GNG12: variants seen among roughly 807,000 people sequenced by gnomAD.
GNG12 encodes G protein subunit gamma 12, also known as guanine nucleotide-binding protein G(I)/G(S)/G(O) subunit gamma-12.
For missense variants in GNG12, 69 were observed against 83.8 expected (o/e 0.82, Z 0.69); for synonymous variants, 28 against 29.7 (o/e 0.94, Z 0.19).
At chr1:67,785,844 A>C (rs552140570) in intron 1 of GNG12, among the ~76,000 whole-genome samples, 3 of 152,328 alleles carry the variant, frequency 2.0e-5, no homozygotes, top group Non-Finnish European at 1.5e-5. Context: ...AACCATGTAC[A>C]AATCTGTATA....
chr1:67,737,873 T>C (rs1646461335), intron 2 of GNG12, among the ~76,000 whole-genome samples: 1 of 152,168 alleles, frequency 6.6e-6, no homozygotes, highest in African/African-American at 2.4e-5. Context: ...CCCTTACCAT[T>C]CCTTGCCTGC....
At chr1:67,820,530 T>A (rs1460538402) in intron 1 of GNG12, among the ~76,000 whole-genome samples, 1 of 152,128 alleles carries the variant, frequency 6.6e-6, no homozygotes, top group Non-Finnish European at 1.5e-5. Context: ...TCCCTTCCAC[T>A]CCCAGAAGCC....
At chr1:67,791,683 C>T (rs1338697469) in intron 1 of GNG12, among the ~76,000 whole-genome samples, 1 of 152,150 alleles carries the variant, frequency 6.6e-6, no homozygotes, top group Admixed American at 6.5e-5. Flanking sequence ...GTTGGCATCT[C>T]CTCTGCTCCC....
chr1:67,728,181 T>C (rs180852718), intron 2 of GNG12, among the ~76,000 whole-genome samples: 41 of 152,324 alleles, frequency 2.7e-4, no homozygotes, highest in African/African-American at 7.7e-4. Context: ...GCAGCTCTTT[T>C]CATGCATCCA....
intron 2 of GNG12, among the ~76,000 whole-genome samples, chr1:67,739,021 A>G (rs1406532457): frequency 6.6e-6 from 1 of 152,172 alleles, no homozygotes; most frequent in Non-Finnish European, 1.5e-5. Context: ...ATGACTAAAA[A>G]TACAAAAATT....
chr1:67,785,327 A>G (rs1646761688), intron 1 of GNG12, among the ~76,000 whole-genome samples: 1 of 152,308 alleles, frequency 6.6e-6, no homozygotes, highest in African/African-American at 2.4e-5. Flanking sequence ...TTAAACCTAA[A>G]TTAAGTTTTA....
At chr1:67,806,265 A>G (rs1448905275) in intron 1 of GNG12, among the ~76,000 whole-genome samples, 1 of 152,200 alleles carries the variant, frequency 6.6e-6, no homozygotes, top group African/African-American at 2.4e-5. Flanking sequence ...TTGATTTAAC[A>G]GATAATACTT....
intron 2 of GNG12, among the ~76,000 whole-genome samples, chr1:67,736,548 G>A (rs1557600713): frequency 1.3e-5 from 2 of 152,192 alleles, no homozygotes. Flanking sequence ...GGATGCGTGA[G>A]TAATGGAGTC....
At chr1:67,742,044 G>A (rs1471438222) in intron 2 of GNG12, among the ~76,000 whole-genome samples, 6 of 152,208 alleles carry the variant, frequency 3.9e-5, no homozygotes, top group Admixed American at 2.6e-4. Flanking sequence ...TTTCAAGCAG[G>A]CAGTGGGACC....
In GNG12 at chr1:67,763,090, GGAGAGA is replaced by G. The variant is rs71064962; in HGVS notation, c.-27+14362_-27+14367del. 2.7e-4 allele frequency among the ~76,000 whole-genome samples: 32 copies of G among 116,790 alleles called. 2 individuals are homozygous for G. The South Asian group carries it at 3.9e-3, about 14-fold the overall frequency. 76.6% of individuals were successfully genotyped at this position (116,790 alleles called of 152,430 possible). ...CTATATTTAACACCCTACCCTCCCA[GGAGAGA>G]GAGAGAGAGAGAGAGAGAGAGAGAA... On this transcript the variant is annotated intron_variant, in intron 2 of 3. Coordinates refer to ENST00000370982, the MANE Select transcript of GNG12 (RefSeq NM_018841.6).
intron 1 of GNG12, among the ~76,000 whole-genome samples, chr1:67,817,460 T>G (rs1646959257): frequency 6.6e-6 from 1 of 152,198 alleles, no homozygotes; most frequent in Admixed American, 6.5e-5. Flanking sequence ...GAGCTGGGCT[T>G]TGGCTGTGGG....
At chr1:67,786,814 G>C (rs780957612) in intron 1 of GNG12, among the ~76,000 whole-genome samples, 7 of 151,994 alleles carry the variant, frequency 4.6e-5, no homozygotes, top group Non-Finnish European at 1.0e-4. Context: ...GCACGTGCCT[G>C]TACTCCCAGC....
chr1:67,777,488 A>G lies in GNG12; in HGVS notation c.-57T>C, dbSNP rs912163476. 4.4e-6 allele frequency: 4 copies of G among 908,390 alleles called. No individual in the cohort carries two copies. Among genetic ancestry groups the G allele is most frequent in the Non-Finnish European group, 5.3e-6 (4 of 759,582 alleles). 56.3% of individuals were successfully genotyped at this position (908,390 alleles called of 1,614,324 possible). On this transcript the variant is annotated 5_prime_UTR_variant, in exon 2 of 4. Coordinates refer to ENST00000370982, the MANE Select transcript of GNG12 (RefSeq NM_018841.6). Reference sequence around the variant, plus strand: ...AGACTTTGTGTGGTCCAATGTTTTCAGGTTTTAAGTGGAATGAATCTGAAA... The same window carrying G: ...AGACTTTGTGTGGTCCAATGTTTTCGGGTTTTAAGTGGAATGAATCTGAAA...
At chr1:67,707,071 G>A (rs1646253647) in intron 3 of GNG12, among the ~76,000 whole-genome samples, 1 of 152,190 alleles carries the variant, frequency 6.6e-6, no homozygotes, top group Non-Finnish European at 1.5e-5. Flanking sequence ...TCTAAGAAAT[G>A]CATTCCAGTT....
intron 2 of GNG12, among the ~76,000 whole-genome samples, chr1:67,723,751 C>A (rs1317300136): frequency 6.6e-6 from 1 of 152,224 alleles, no homozygotes; most frequent in East Asian, 1.9e-4. Flanking sequence ...GAGGAGTCAG[C>A]ACTCTAATCC....
At chr1:67,715,023 G>T (rs1646317386) in intron 2 of GNG12, among the ~76,000 whole-genome samples, 1 of 152,102 alleles carries the variant, frequency 6.6e-6, no homozygotes, top group African/African-American at 2.4e-5. Context: ...ATTTCAAGCG[G>T]TTCTCCTGCC....
chr1:67,745,246 T>C (rs944440196), intron 2 of GNG12, among the ~76,000 whole-genome samples: 4 of 152,212 alleles, frequency 2.6e-5, no homozygotes, highest in Admixed American at 1.3e-4. Context: ...ACTTTCACAG[T>C]TGCCAATGTA....
intron 1 of GNG12, among the ~76,000 whole-genome samples, chr1:67,792,240 G>A (rs1395526559): frequency 2.6e-5 from 4 of 152,106 alleles, no homozygotes; most frequent in African/African-American, 4.8e-5. Context: ...TTTGTTTACC[G>A]TTGCACTCCC....
At chr1:67,741,745 G>C (rs1211571748) in intron 2 of GNG12, among the ~76,000 whole-genome samples, 3 of 152,220 alleles carry the variant, frequency 2.0e-5, no homozygotes, top group South Asian at 2.1e-4. Context: ...ATTGGCATTT[G>C]GAGGACTGAA....
Sources: allele counts gnomAD v4.1 joint callset (sites outside exome capture counted in the v4.1 genomes callset), GRCh38; gene constraint gnomAD v4.1.1; transcripts MANE v1.5; gene names NCBI Gene and HGNC (gene_info 2026-07-23, HGNC 2026-07-21).